The following LRCH1 variants were observed in gnomAD, a reference collection of about 807,000 sequenced individuals.
LRCH1 encodes the protein leucine-rich repeat and calponin homology domain-containing protein 1.
LRCH1 carries 23 observed loss-of-function variants against 94.9 expected under a neutral mutation model. The ratio of observed to expected loss-of-function variants is 0.24; its 90% CI spans 0.17 to 0.34. The LOEUF (loss-of-function observed/expected upper bound fraction) is 0.34. Ranked by LOEUF, LRCH1 falls within the 10% of genes least tolerant of loss-of-function variation. The pLI is 1.00. For missense variants in LRCH1, 790 were observed against 945.9 expected (o/e 0.84, Z 2.16); for synonymous variants, 364 against 354.9 (o/e 1.03, Z -0.29).
At chr13:46,703,206 G>A (rs536999054) in intron 11 of LRCH1, among the ~76,000 whole-genome samples, 1 of 152,294 alleles carries the variant, frequency 6.6e-6, no homozygotes, top group South Asian at 2.1e-4. Flanking sequence ...GTACATGTAG[G>A]CATGTGCACC....
At chr13:46,585,470 G>A (rs986757851) in intron 1 of LRCH1, among the ~76,000 whole-genome samples, 3 of 150,500 alleles carry the variant, frequency 2.0e-5, no homozygotes, top group African/African-American at 2.5e-5. Flanking sequence ...CCAGCTACTC[G>A]TGAATCTGGG....
chr13:46,752,842 A>G (rs1874197465), exon 19 of LRCH1: 1 of 151,934 alleles, frequency 6.6e-6, no homozygotes, highest in African/African-American at 2.4e-5. Context: ...AAATGGCTTC[A>G]GTCTTCTGTA....
chr13:46,710,355 T>C (rs2138196698), intron 13 of LRCH1, among the ~76,000 whole-genome samples: 1 of 152,274 alleles, frequency 6.6e-6, no homozygotes, highest in East Asian at 1.9e-4. Flanking sequence ...ATCAGCTCTG[T>C]GTGAGCCACA....
chr13:46,634,145 T>C (rs1277847507), intron 1 of LRCH1, among the ~76,000 whole-genome samples: 2 of 152,228 alleles, frequency 1.3e-5, no homozygotes, highest in Admixed American at 1.3e-4. Context: ...CCCAAAGTGC[T>C]GGGATTACAG....
At position 46,744,316 on chromosome 13, in the gene LRCH1, A is replaced by G; in HGVS notation, c.*2468A>G. ...GACCGTTTTTTCAGTACTCCCTTCC[A>G]ATGTTAGATAAAAGGAGCCAAGTAT... On this transcript the variant is annotated 3_prime_UTR_variant, in exon 20 of 20. Coordinates refer to ENST00000389797, the MANE Select transcript of LRCH1 (RefSeq NM_001164211.2). 3 of 985,410 alleles carry G rather than the reference A, an allele frequency of 3.0e-6. No individual in the cohort carries two copies. Among genetic ancestry groups the G allele is most frequent in the Non-Finnish European group, 3.6e-6 (3 of 829,920 alleles). 61.0% of individuals were successfully genotyped at this position (985,410 alleles called of 1,614,324 possible). A position where few individuals can be genotyped will look rare whatever the true frequency, so the allele number is the denominator to read the frequency against.
chr13:46,745,079 A>T (rs1873856896), downstream of LRCH1, among the ~76,000 whole-genome samples: 1 of 152,152 alleles, frequency 6.6e-6, no homozygotes, highest in Non-Finnish European at 1.5e-5. Context: ...AAAAGCTTAC[A>T]GTCTATAGCA....
intron 1 of LRCH1, among the ~76,000 whole-genome samples, chr13:46,586,768 A>T (rs1350491824): frequency 6.6e-6 from 1 of 152,214 alleles, no homozygotes; most frequent in African/African-American, 2.4e-5. Flanking sequence ...ATGATACTTC[A>T]GCTTTAACAG....
At chr13:46,732,833 G>A (rs1566256189) in intron 18 of LRCH1, among the ~76,000 whole-genome samples, 1 of 152,108 alleles carries the variant, frequency 6.6e-6, no homozygotes, top group Non-Finnish European at 1.5e-5. Context: ...CCAGGGGTTG[G>A]GCAAAACCAC....
At chr13:46,589,141 ATCCTCCCACC>A (rs1450056616) in intron 1 of LRCH1, among the ~76,000 whole-genome samples, 2 of 151,842 alleles carry the variant, frequency 1.3e-5, no homozygotes, top group Non-Finnish European at 2.9e-5. Flanking sequence ...GGCTCAACTA[ATCCTCCCACC>A]TCAGCCTCCC....
intron 3 of LRCH1, among the ~76,000 whole-genome samples, chr13:46,678,793 C>T (rs1303052707): frequency 6.6e-6 from 1 of 152,082 alleles, no homozygotes; most frequent in African/African-American, 2.4e-5. Context: ...ATTAGAGAAA[C>T]AGCATATTTT....
chr13:46,597,449 C>T lies in LRCH1; in HGVS notation c.307+43746C>T, dbSNP rs546824148. On this transcript the variant is annotated intron_variant, in intron 1 of 19. Coordinates refer to ENST00000389797, the MANE Select transcript of LRCH1 (RefSeq NM_001164211.2). ...TTGGCTCACTGCAACTTCCGCCTCC[C>T]GGGTTCAAGCAATTCTCCTGCCTCA... Among the ~76,000 whole-genome samples the T allele has an allele frequency of 7.7e-3, 1,176 of 152,154 alleles. 9 individuals carry two copies. Among genetic ancestry groups the T allele is most frequent in the Non-Finnish European group, 0.012 (842 of 67,992 alleles).
chr13:46,561,173 T>G (rs1026230435), intron 1 of LRCH1, among the ~76,000 whole-genome samples: 1 of 152,262 alleles, frequency 6.6e-6, no homozygotes, highest in Admixed American at 6.5e-5. Context: ...AAATTATTGC[T>G]TCTCTGTTAA....
intron 4 of LRCH1, among the ~76,000 whole-genome samples, chr13:46,683,461 G>T (rs1271869018): frequency 6.6e-6 from 1 of 152,014 alleles, no homozygotes; most frequent in African/African-American, 2.4e-5. Context: ...CTCATTTTTT[G>T]GATATACAAA....
intron 18 of LRCH1, among the ~76,000 whole-genome samples, chr13:46,750,099 C>G (rs1874063090): frequency 6.6e-6 from 1 of 152,164 alleles, no homozygotes; most frequent in Admixed American, 6.5e-5. Context: ...GTAAAATGAA[C>G]TCAATGAAGT....
intron 1 of LRCH1, among the ~76,000 whole-genome samples, chr13:46,563,537 A>T (rs551011637): frequency 6.6e-6 from 1 of 152,366 alleles, no homozygotes; most frequent in Admixed American, 6.5e-5. Flanking sequence ...AGTTGTCATG[A>T]GGACATTGGT....
intron 1 of LRCH1, among the ~76,000 whole-genome samples, chr13:46,634,533 G>A (rs1451638970): frequency 6.6e-6 from 1 of 152,194 alleles, no homozygotes; most frequent in Non-Finnish European, 1.5e-5. Flanking sequence ...TGGTAATCTG[G>A]AGTGAATTTT....
intron 1 of LRCH1, among the ~76,000 whole-genome samples, chr13:46,568,447 T>G (rs1219932020): frequency 2.0e-5 from 3 of 152,230 alleles, no homozygotes; most frequent in Non-Finnish European, 1.5e-5. Flanking sequence ...CCAGAATTGG[T>G]CCAGGTTATC....
intron 16 of LRCH1, among the ~76,000 whole-genome samples, chr13:46,719,857 G>A (rs7334129): frequency 2.2e-3 from 338 of 152,044 alleles, no homozygotes; most frequent in African/African-American, 7.9e-3. Context: ...ATTTAGCCAG[G>A]CGTGGTGGCA....
intron 2 of LRCH1, among the ~76,000 whole-genome samples, chr13:46,664,585 A>G (rs78223341): frequency 0.01 from 1,591 of 152,312 alleles, 31 homozygotes; most frequent in Non-Finnish European, 0.01. Flanking sequence ...ATATTCACAC[A>G]ATAACACAAT....
Sources: allele counts gnomAD v4.1 joint callset (sites outside exome capture counted in the v4.1 genomes callset), GRCh38; gene constraint gnomAD v4.1.1; transcripts MANE v1.5; gene names NCBI Gene and HGNC (gene_info 2026-07-23, HGNC 2026-07-21).